The following SIPA1L1 variants were observed in gnomAD, a reference collection of about 807,000 sequenced individuals.
SIPA1L1 encodes the protein signal induced proliferation associated 1 like 1, also known as signal-induced proliferation-associated 1-like protein 1.
A neutral mutation model predicts 162.7 loss-of-function variants in SIPA1L1; 26 were observed. The observed-to-expected ratio is 0.16, with a 90% CI of 0.12 to 0.22. SIPA1L1 has a LOEUF of 0.22. Among genes scored for constraint, SIPA1L1 ranks in the 10% least tolerant of loss-of-function variants. The pLI is 1.00. For missense variants in SIPA1L1, 1,874 were observed against 2,241.0 expected (o/e 0.84, Z 3.31); for synonymous variants, 829 against 837.4 (o/e 0.99, Z 0.17).
intron 2 of SIPA1L1, among the ~76,000 whole-genome samples, chr14:71,498,699 G>A (rs992440883): frequency 2.6e-5 from 4 of 152,058 alleles, no homozygotes; most frequent in African/African-American, 4.8e-5. Flanking sequence ...CTTGAGTTTG[G>A]GTAGTTTTTG....
intron 6 of SIPA1L1, among the ~76,000 whole-genome samples, chr14:71,620,220 C>A (rs1254262100): frequency 1.3e-5 from 2 of 152,174 alleles, no homozygotes; most frequent in African/African-American, 2.4e-5. Flanking sequence ...CAGGCATGCG[C>A]CACCATGCCC....
At chr14:71,596,600 A>G (rs1033507237) in intron 5 of SIPA1L1, among the ~76,000 whole-genome samples, 3 of 152,176 alleles carry the variant, frequency 2.0e-5, no homozygotes, top group African/African-American at 7.2e-5. Context: ...CATTCAAATA[A>G]TATTTAGCAT....
chr14:71,497,911 G>A (rs969290562), intron 2 of SIPA1L1: 1 of 152,184 alleles, frequency 6.6e-6, no homozygotes, highest in African/African-American at 2.4e-5. Context: ...ATGAGAAACT[G>A]CCAAACCACT....
At chr14:71,734,247 G>T (rs183954528) in intron 21 of SIPA1L1, among the ~76,000 whole-genome samples, 296 of 152,360 alleles carry the variant, frequency 1.9e-3, no homozygotes, top group African/African-American at 6.9e-3. Context: ...CTCCGTGCGC[G>T]GTAGCGCGTT....
chr14:71,727,816 A>G (rs543975714), intron 19 of SIPA1L1, among the ~76,000 whole-genome samples: 2 of 152,250 alleles, frequency 1.3e-5, no homozygotes, highest in East Asian at 1.9e-4. Flanking sequence ...GTTAAAGAGG[A>G]TGGGGCAAGG....
intron 2 of SIPA1L1, among the ~76,000 whole-genome samples, chr14:71,465,606 G>A (rs1366768076): frequency 6.6e-6 from 1 of 152,184 alleles, no homozygotes; most frequent in East Asian, 1.9e-4. Flanking sequence ...AGAGTCCTTA[G>A]CATTTTCTTA....
intron 20 of SIPA1L1, among the ~76,000 whole-genome samples, chr14:71,730,935 T>C (rs931767136): frequency 2.0e-5 from 3 of 152,198 alleles, no homozygotes; most frequent in African/African-American, 7.2e-5. Context: ...ATTTGGTTTT[T>C]CCCTTTTTCC....
chr14:71,538,805 G>A (rs558888378), intron 4 of SIPA1L1, among the ~76,000 whole-genome samples: 1 of 152,288 alleles, frequency 6.6e-6, no homozygotes, highest in East Asian at 1.9e-4. Flanking sequence ...CTGTTGCAGT[G>A]CTTGATAAAT....
chr14:71,381,933 T>C (rs2039939304), intron 2 of SIPA1L1, among the ~76,000 whole-genome samples: 1 of 152,222 alleles, frequency 6.6e-6, no homozygotes, highest in Non-Finnish European at 1.5e-5. Flanking sequence ...GGGGTAGTAC[T>C]GTCTGAGTTC....
intron 2 of SIPA1L1, among the ~76,000 whole-genome samples, chr14:71,355,716 G>A (rs891073728): frequency 2.6e-5 from 4 of 152,214 alleles, no homozygotes; most frequent in African/African-American, 7.2e-5. Context: ...TTATGAGAAA[G>A]TACATATAAG....
chr14:71,544,294 T>C (rs1277065215), intron 4 of SIPA1L1, among the ~76,000 whole-genome samples: 3 of 107,698 alleles, frequency 2.8e-5, no homozygotes, highest in Admixed American at 2.8e-4. Context: ...TATATACATA[T>C]ATATCATGTG....
At chr14:71,575,587 T>G (rs1030652417) in intron 4 of SIPA1L1, among the ~76,000 whole-genome samples, 1 of 152,200 alleles carries the variant, frequency 6.6e-6, no homozygotes, top group Non-Finnish European at 1.5e-5. Context: ...AATTTCTGGT[T>G]TTAGTTGTCT....
intron 2 of SIPA1L1, among the ~76,000 whole-genome samples, chr14:71,483,745 C>A (rs1270228116): frequency 6.6e-6 from 1 of 152,180 alleles, no homozygotes; most frequent in African/African-American, 2.4e-5. Context: ...TTCCAAGGCT[C>A]CTCACAGCTC....
intron 2 of SIPA1L1, among the ~76,000 whole-genome samples, chr14:71,422,185 C>A (rs2043235252): frequency 2.0e-5 from 3 of 152,158 alleles, no homozygotes; most frequent in Admixed American, 2.0e-4. Context: ...TTCATGTGGC[C>A]ATTTAAGTAG....
chr14:71,701,787 C>T (rs1220309334), intron 14 of SIPA1L1, among the ~76,000 whole-genome samples: 2 of 152,268 alleles, frequency 1.3e-5, no homozygotes, highest in East Asian at 3.9e-4. Context: ...TGCCAGTTTA[C>T]CTGCTTCCAA....
intron 10 of SIPA1L1, among the ~76,000 whole-genome samples, chr14:71,663,066 G>A (rs957129267): frequency 1.3e-5 from 2 of 152,144 alleles, no homozygotes; most frequent in African/African-American, 2.4e-5. Context: ...AATCAGTACC[G>A]TCCAATGGGA....
intron 2 of SIPA1L1, among the ~76,000 whole-genome samples, chr14:71,508,385 C>T (rs2050849817): frequency 6.6e-6 from 1 of 152,184 alleles, no homozygotes; most frequent in African/African-American, 2.4e-5. Flanking sequence ...AATAGACCAT[C>T]CATTCAGCTT....
Position 71,588,677 on chromosome 14 carries a change from A to G in SIPA1L1, c.805A>G (p.Arg269Gly), listed in dbSNP as rs777499471. 4 of 1,613,936 alleles carry G rather than the reference A, an allele frequency of 2.5e-6. No individual in the cohort carries two copies. The highest frequency in any genetic ancestry group is 3.4e-6 in the Non-Finnish European group (4 of 1,179,992). ...LDVIDGPISQRENLRLFKERE... is the reference protein window; with the variant it reads ...LDVIDGPISQGENLRLFKERE... Reference sequence around the variant, plus strand: ...TGTAATAGACGGGCCTATCTCACAGAGAGAGAACCTCAGGCTTTTTAAGGA... The same window carrying G: ...TGTAATAGACGGGCCTATCTCACAGGGAGAGAACCTCAGGCTTTTTAAGGA... Residue 269 changes from arginine to glycine, a missense_variant, in exon 5 of 24, where the codon AGA becomes GGA. Transcript: ENST00000381232. This position sits in a 1 kb window ranked among gnomAD's most constrained non-coding sequence, Gnocchi z 4.3.
chr14:71,346,691 A>G (rs1046820328), intron 2 of SIPA1L1, among the ~76,000 whole-genome samples: 7 of 152,364 alleles, frequency 4.6e-5, no homozygotes, highest in South Asian at 2.1e-4. Context: ...TTTAAAAAAG[A>G]TTATTGAGAT....
Sources: gnomAD v4.1 joint callset for allele counts (sites outside exome capture counted in the v4.1 genomes callset) on GRCh38, gnomAD v4.1.1 for gene constraint, Gnocchi (gnomAD v3.1) non-coding constraint, MANE v1.5 for transcripts, NCBI Gene and HGNC (gene_info 2026-07-23, HGNC 2026-07-21) for gene names.